The following FAXC variants were observed in gnomAD, a reference collection of about 807,000 sequenced individuals.
FAXC encodes the protein failed axon connections homolog, metaxin like GST domain containing.
FAXC carries 10 observed loss-of-function variants against 41.9 expected under a neutral mutation model. The ratio of observed to expected loss-of-function variants is 0.24; its 90% CI spans 0.15 to 0.41. FAXC has a LOEUF of 0.41. FAXC is among the 10% of genes least tolerant of loss of function. FAXC has a pLI of 1.00. For missense variants in FAXC, 399 were observed against 510.9 expected (o/e 0.78, Z 2.11); for synonymous variants, 183 against 183.8 (o/e 1.00, Z 0.03).
At chr6:99,297,701 C>A (rs554429402) in intron 4 of FAXC, among the ~76,000 whole-genome samples, 5 of 152,178 alleles carry the variant, frequency 3.3e-5, no homozygotes, top group Admixed American at 6.5e-5. Context: ...AAACCGAGCT[C>A]TACCTCCTAT....
chr6:99,295,425 A>G (rs1005384113), intron 4 of FAXC, among the ~76,000 whole-genome samples: 1 of 152,220 alleles, frequency 6.6e-6, no homozygotes, highest in African/African-American at 2.4e-5. Flanking sequence ...TGGACTGAGT[A>G]AAGCAGATTG....
Position 99,323,666 on chromosome 6 carries a change from T to A in FAXC, c.601A>T (p.Thr201Ser). The change falls in exon 4 of 6, where the codon ACA becomes TCA. Residue 201 changes from threonine to serine, a missense_variant and splice_region_variant. Coordinates refer to ENST00000389677, the MANE Select transcript of FAXC (RefSeq NM_032511.4). ...TKMVEEHFYW[T>S]LAYCQWVDNL... The stretch of plus-strand genomic sequence containing the variant: ...TCCACCCACTGGCAATAAGCTAATG[T>A]CCTGGAATTGTGTGGAAACAAGTTA... 2 of 1,612,866 alleles carry A rather than the reference T, an allele frequency of 1.2e-6. No homozygotes were observed. Among genetic ancestry groups the A allele is most frequent in the South Asian group, 2.2e-5 (2 of 90,996 alleles).
At chr6:99,335,181 T>G (rs1773172908) in intron 2 of FAXC, among the ~76,000 whole-genome samples, 1 of 152,190 alleles carries the variant, frequency 6.6e-6, no homozygotes, top group Non-Finnish European at 1.5e-5. Flanking sequence ...AGACCACCCT[T>G]TCCCCTGATA....
intron 4 of FAXC, among the ~76,000 whole-genome samples, chr6:99,292,152 G>A (rs1453432611): frequency 6.6e-6 from 1 of 152,132 alleles, no homozygotes; most frequent in Non-Finnish European, 1.5e-5. Context: ...AGCCTGTGAT[G>A]CTTAAGAACA....
chr6:99,322,735 A>G (rs1456707443), intron 4 of FAXC, among the ~76,000 whole-genome samples: 1 of 152,194 alleles, frequency 6.6e-6, no homozygotes, highest in Non-Finnish European at 1.5e-5. Flanking sequence ...TCTGCCCAGT[A>G]AAGAACCACA....
At chr6:99,333,631 C>A in intron 2 of FAXC, 84 bp from the exon 3 acceptor site, 4 of 1,188,838 alleles carry the variant, frequency 3.4e-6, no homozygotes, top group Non-Finnish European at 4.7e-6. Flanking sequence ...AACATTCCAA[C>A]CTTATGTTTG....
At chr6:99,285,323 G>A (rs1022622965) in intron 5 of FAXC, among the ~76,000 whole-genome samples, 1 of 152,068 alleles carries the variant, frequency 6.6e-6, no homozygotes, top group African/African-American at 2.4e-5. Context: ...TCCATCAATA[G>A]GTATTGATGA....
intron 1 of FAXC, among the ~76,000 whole-genome samples, chr6:99,343,511 A>G (rs1299708193): frequency 1.3e-5 from 2 of 152,188 alleles, no homozygotes; most frequent in Non-Finnish European, 2.9e-5. Flanking sequence ...AGTAGGTACT[A>G]CTGTTATCCA....
intron 3 of FAXC, among the ~76,000 whole-genome samples, chr6:99,325,703 A>T (rs905491044): frequency 2.7e-4 from 41 of 152,182 alleles, no homozygotes; most frequent in African/African-American, 9.7e-4. Context: ...CAGCACTTTG[A>T]CTCTAATTGT....
In FAXC at chr6:99,278,837, G is replaced by A. The variant is rs1770721209; in HGVS notation, c.*2327C>T. Reference sequence around the variant, plus strand: ...ATTTTACAACTTCATTTTCAAAGTTGGTTCTCCACATACTTGTATTCCAAG... The same window carrying A: ...ATTTTACAACTTCATTTTCAAAGTTAGTTCTCCACATACTTGTATTCCAAG... On this transcript the variant is annotated 3_prime_UTR_variant, in exon 6 of 6. Coordinates refer to ENST00000389677, the MANE Select transcript of FAXC (RefSeq NM_032511.4). 6.6e-6 allele frequency: 1 copy of A among 152,052 alleles called. No homozygotes were observed. Among genetic ancestry groups the A allele is most frequent in the Non-Finnish European group, 1.5e-5 (1 of 68,014 alleles). The allele number at this position is 152,052 out of a possible 1,614,324, so 9.4% of individuals were successfully genotyped here.
In FAXC at chr6:99,279,955, A is replaced by T. The variant is rs188590186; in HGVS notation, c.*1209T>A. Reference sequence around the variant, plus strand: ...TTCATCTTTTCAATACATCTTTGCAAGGTTTGTTTTCAAAAAGACATTACA... The same window carrying T: ...TTCATCTTTTCAATACATCTTTGCATGGTTTGTTTTCAAAAAGACATTACA... On this transcript the variant is annotated 3_prime_UTR_variant, in exon 6 of 6. Coordinates refer to ENST00000389677, the MANE Select transcript of FAXC (RefSeq NM_032511.4). 6.6e-6 allele frequency: 1 copy of T among 152,324 alleles called. No homozygotes were observed. The highest frequency in any genetic ancestry group is 2.4e-5 in the African/African-American group (1 of 41,580). 9.4% of individuals were successfully genotyped at this position (152,324 alleles called of 1,614,324 possible). A position where few individuals can be genotyped will look rare whatever the true frequency, so the allele number is the denominator to read the frequency against.
chr6:99,343,262 T>C (rs960175470), intron 1 of FAXC, among the ~76,000 whole-genome samples: 16 of 151,956 alleles, frequency 1.1e-4, no homozygotes, highest in Admixed American at 9.2e-4. Flanking sequence ...TCCCATGATA[T>C]TACCATGACC....
rs183288471 is a variant in FAXC, at chr6:99,315,026, G to T, written c.823+8418C>A. Among the ~76,000 whole-genome samples the T allele has an allele frequency of 1.8e-4, 27 of 151,922 alleles. 1 individual carries two copies. The East Asian group carries it at 4.7e-3, about 26-fold the overall frequency. ...AGGCAGGTGGATCACCTGAGGTCAGGAGTTCAAGACCAGCCTGGCCAACAT... is the reference window on the plus strand; with the variant it reads ...AGGCAGGTGGATCACCTGAGGTCAGTAGTTCAAGACCAGCCTGGCCAACAT... On this transcript the variant is annotated intron_variant, in intron 4 of 5. Coordinates refer to ENST00000389677, the MANE Select transcript of FAXC (RefSeq NM_032511.4).
At chr6:99,308,881 T>A (rs221534) in intron 4 of FAXC, among the ~76,000 whole-genome samples, 130,509 of 152,200 alleles carry the variant, frequency 0.86, 56,269 homozygotes, top group East Asian at 1. Flanking sequence ...TCCAATTTTT[T>A]AAAATTTTCG....
At chr6:99,331,358 A>T (rs1002199949) in intron 3 of FAXC, among the ~76,000 whole-genome samples, 5 of 152,112 alleles carry the variant, frequency 3.3e-5, no homozygotes, top group Admixed American at 3.3e-4. Flanking sequence ...ACGGGGTACC[A>T]CTTCCCAACT....
At chr6:99,342,592 C>T (rs1490402336) in intron 2 of FAXC, among the ~76,000 whole-genome samples, 5 of 152,192 alleles carry the variant, frequency 3.3e-5, no homozygotes, top group Non-Finnish European at 7.3e-5. Context: ...GATCCGCCTG[C>T]CTTGGCCTCC....
intron 5 of FAXC, among the ~76,000 whole-genome samples, chr6:99,283,179 C>A (rs1770900565): frequency 6.6e-6 from 1 of 152,120 alleles, no homozygotes; most frequent in Non-Finnish European, 1.5e-5. Context: ...AACATATTCT[C>A]ATTTTGGAAA....
rs1158484866 is a variant in FAXC, at chr6:99,272,142, CTATATGTG to C, written c.*9014_*9021del. ...GAAGAGGTATGAAAACTAATTGAGA[CTATATGTG>C]TGTGTGTGTGTGTGTGTGTGTGTGT... On this transcript the variant is annotated 3_prime_UTR_variant, in exon 6 of 6. Transcript: ENST00000389677. 7 of 83,048 alleles carry C rather than the reference CTATATGTG, an allele frequency of 8.4e-5. No individual in the cohort carries two copies. The highest frequency in any genetic ancestry group is 3.3e-4 in the African/African-American group (7 of 21,204). 5.1% of individuals were successfully genotyped at this position (83,048 alleles called of 1,614,324 possible).
At chr6:99,307,583 G>A (rs1187958465) in intron 4 of FAXC, among the ~76,000 whole-genome samples, 1 of 152,124 alleles carries the variant, frequency 6.6e-6, no homozygotes, top group African/African-American at 2.4e-5. Context: ...AAAGATCAAG[G>A]GTGGGGTGTT....
Sources: allele counts gnomAD v4.1 joint callset (sites outside exome capture counted in the v4.1 genomes callset), GRCh38; gene constraint gnomAD v4.1.1; transcripts MANE v1.5; gene names NCBI Gene and HGNC (gene_info 2026-07-23, HGNC 2026-07-21).